CRACD: variants seen among roughly 807,000 people sequenced by gnomAD.
CRACD encodes the protein capping protein inhibiting regulator of actin dynamics.
CRACD carries 56 observed loss-of-function variants against 106.8 expected under a neutral mutation model. The ratio of observed to expected loss-of-function variants is 0.52; its 90% CI spans 0.42 to 0.66. The LOEUF (loss-of-function observed/expected upper bound fraction) is 0.66, where lower values mean the gene tolerates loss of function less well. Ranked by LOEUF, CRACD falls within the 30% of genes least tolerant of loss-of-function variation. The pLI, the probability that CRACD is intolerant of heterozygous loss-of-function variation, is 0.00. For synonymous variants in CRACD, 754 were observed against 670.8 expected, an observed-to-expected ratio of 1.12 and a Z score of -1.92; for missense variants, 1,730 against 1,623.2, an observed-to-expected ratio of 1.07 and a Z score of -1.13.
chr4:56,183,582 G>A (rs1282197326), intron 2 of CRACD, among the ~76,000 whole-genome samples: 2 of 152,240 alleles, frequency 1.3e-5, no homozygotes, highest in African/African-American at 4.8e-5. Flanking sequence ...GGTCATGCTA[G>A]AGAAATGTCT....
chr4:56,217,238 GAGGC>G (rs1015753223), intron 2 of CRACD, among the ~76,000 whole-genome samples: 12 of 152,130 alleles, frequency 7.9e-5, no homozygotes, highest in African/African-American at 2.9e-4. Flanking sequence ...AGAAGTATCT[GAGGC>G]AAGTCTCAAT....
intron 1 of CRACD, among the ~76,000 whole-genome samples, chr4:56,054,814 A>G (rs1731997424): frequency 6.6e-6 from 1 of 152,236 alleles, no homozygotes; most frequent in Non-Finnish European, 1.5e-5. Context: ...TATATGTGAA[A>G]AAGTGATACC....
At chr4:56,304,375 A>G (rs543754962) in intron 4 of CRACD, among the ~76,000 whole-genome samples, 1 of 125,836 alleles carries the variant, frequency 7.9e-6, no homozygotes, top group South Asian at 2.4e-4. Flanking sequence ...TAGTCATTCC[A>G]TCTTTGGACA....
chr4:56,279,212 T>C (rs1486546779), intron 3 of CRACD, among the ~76,000 whole-genome samples: 1 of 152,190 alleles, frequency 6.6e-6, no homozygotes, highest in Non-Finnish European at 1.5e-5. Flanking sequence ...GAGATGCACC[T>C]GGTACCTCAG....
intron 3 of CRACD, among the ~76,000 whole-genome samples, chr4:56,284,081 G>C (rs941806531): frequency 6.6e-6 from 1 of 151,964 alleles, no homozygotes; most frequent in African/African-American, 2.4e-5. Context: ...TCTGCCTCAC[G>C]CTTTCCATTG....
At chr4:56,168,419 A>G (rs954902918) in intron 1 of CRACD, among the ~76,000 whole-genome samples, 2 of 151,996 alleles carry the variant, frequency 1.3e-5, no homozygotes, top group African/African-American at 4.8e-5. Flanking sequence ...TTATCCTTTT[A>G]CCATATTGCA....
chr4:56,131,165 A>G (rs1174319538), intron 1 of CRACD, among the ~76,000 whole-genome samples: 1 of 152,164 alleles, frequency 6.6e-6, no homozygotes, highest in Admixed American at 6.5e-5. Flanking sequence ...TTAGGTTCTT[A>G]AGTCCCGGTT....
At chr4:56,309,594 C>A (rs192059933) in intron 5 of CRACD, among the ~76,000 whole-genome samples, 9 of 152,288 alleles carry the variant, frequency 5.9e-5, no homozygotes, top group Non-Finnish European at 1.3e-4. Context: ...TGGCTCATGC[C>A]TGTAATCCCA....
chr4:56,234,532 C>A (rs1223013383), intron 2 of CRACD, among the ~76,000 whole-genome samples: 3 of 152,160 alleles, frequency 2.0e-5, no homozygotes, highest in Non-Finnish European at 4.4e-5. Flanking sequence ...GATAACACTG[C>A]TGTGAACATT....
chr4:56,189,001 A>T (rs12647008), intron 2 of CRACD, among the ~76,000 whole-genome samples: 21,847 of 152,000 alleles, frequency 0.14, 2,748 homozygotes, highest in East Asian at 0.55. Flanking sequence ...CTTGCCAACA[A>T]GGTGAAACCC....
At chr4:56,255,987 G>A (rs1483462086) in intron 2 of CRACD, among the ~76,000 whole-genome samples, 1 of 152,170 alleles carries the variant, frequency 6.6e-6, no homozygotes. Context: ...GTTGCTTGAA[G>A]GGTCCTGGCT....
intron 1 of CRACD, among the ~76,000 whole-genome samples, chr4:56,064,423 T>C (rs1196810293): frequency 1.3e-5 from 2 of 152,238 alleles, no homozygotes; most frequent in African/African-American, 4.8e-5. Flanking sequence ...GGCTTTATAA[T>C]GATACCTTGC....
At chr4:56,150,731 C>T (rs933798194) in intron 1 of CRACD, among the ~76,000 whole-genome samples, 12 of 152,156 alleles carry the variant, frequency 7.9e-5, no homozygotes, top group African/African-American at 2.9e-4. Context: ...CATTCATTTG[C>T]ATTACTATAT....
chr4:56,225,853 G>A (rs1345740108), intron 2 of CRACD, among the ~76,000 whole-genome samples: 1 of 152,174 alleles, frequency 6.6e-6, no homozygotes, highest in African/African-American at 2.4e-5. Context: ...AGATATTACT[G>A]TATAATACAA....
At chr4:56,224,547 G>A (rs1338337344) in intron 2 of CRACD, among the ~76,000 whole-genome samples, 1 of 152,142 alleles carries the variant, frequency 6.6e-6, no homozygotes, top group Non-Finnish European at 1.5e-5. Flanking sequence ...TAAAACCACA[G>A]GGAGGTACCT....
chr4:56,090,795 G>A (rs1733401849), intron 1 of CRACD, among the ~76,000 whole-genome samples: 1 of 152,180 alleles, frequency 6.6e-6, no homozygotes, highest in African/African-American at 2.4e-5. Flanking sequence ...AGGGGCCATA[G>A]TTCCAACCAT....
chr4:56,111,546 ATG>A (rs1262353245), intron 1 of CRACD, among the ~76,000 whole-genome samples: 11 of 152,324 alleles, frequency 7.2e-5, no homozygotes, highest in African/African-American at 2.6e-4. Flanking sequence ...TAAAAACTAT[ATG>A]TATATATTTT....
chr4:56,272,660 G>A (rs953744564), intron 3 of CRACD, among the ~76,000 whole-genome samples, 168 bp downstream of exon 3: 10 of 152,148 alleles, frequency 6.6e-5, no homozygotes, highest in African/African-American at 2.4e-4. Context: ...GGAGGCCGAG[G>A]CGGGCAGATC....
intron 1 of CRACD, among the ~76,000 whole-genome samples, chr4:56,144,727 C>G (rs1009305227): frequency 6.6e-6 from 1 of 151,530 alleles, no homozygotes; most frequent in Non-Finnish European, 1.5e-5. Context: ...ACAATCTCAG[C>G]TCACTGCAAA....
Sources: allele counts gnomAD v4.1 joint callset (sites outside exome capture counted in the v4.1 genomes callset), GRCh38; gene constraint gnomAD v4.1.1; transcripts MANE v1.5; gene names NCBI Gene and HGNC (gene_info 2026-07-23, HGNC 2026-07-21).